DNAJC13: variants seen among roughly 807,000 people sequenced by gnomAD.
DNAJC13 encodes DnaJ heat shock protein family (Hsp40) member C13.
Under a neutral mutation model 290.5 loss-of-function variants are expected in DNAJC13, and 75 were observed. That is an observed-to-expected ratio of 0.26 (90% CI 0.21 to 0.31). The LOEUF (loss-of-function observed/expected upper bound fraction) is 0.31. Ranked by LOEUF, DNAJC13 falls within the 10% of genes least tolerant of loss-of-function variation. The probability of loss-of-function intolerance (pLI) is 1.00; values close to 1 mark genes in which losing one functional copy is unlikely to be tolerated. For synonymous variants in DNAJC13, 862 were observed against 892.0 expected (o/e 0.97, Z 0.60); for missense variants, 2,260 against 2,674.5 (o/e 0.85, Z 3.42).
intron 48 of DNAJC13, among the ~76,000 whole-genome samples, chr3:132,519,282 C>T (rs530383219): frequency 1.0e-3 from 153 of 152,262 alleles, no homozygotes; most frequent in African/African-American, 3.4e-3. Flanking sequence ...TCTTCTCTAA[C>T]GCTTGTTATA....
At chr3:132,439,535 G>A (rs1306186890) in intron 2 of DNAJC13, among the ~76,000 whole-genome samples, 1 of 147,362 alleles carries the variant, frequency 6.8e-6, no homozygotes, top group African/African-American at 2.5e-5. Context: ...CTAATTTTTT[G>A]TGACTATCAT....
intron 2 of DNAJC13, among the ~76,000 whole-genome samples, chr3:132,444,356 G>T (rs17404153): frequency 0.1 from 15,959 of 152,200 alleles, 1,030 homozygotes; most frequent in South Asian, 0.17. Flanking sequence ...GACAATGTAG[G>T]TCTAAAATAT....
Position 132,461,140 on chromosome 3 carries a change from C to A in DNAJC13, c.1648C>A (p.Gln550Lys). 1 of 1,614,066 alleles carries A rather than the reference C, an allele frequency of 6.2e-7. No individual in the cohort carries two copies. The highest frequency in any genetic ancestry group is 1.3e-5 in the African/African-American group (1 of 75,030). The change falls in exon 15 of 56, where the codon CAG becomes AAG. Residue 550 changes from glutamine (Q) to lysine (K), a missense_variant. Coordinates refer to ENST00000260818, the MANE Select transcript of DNAJC13 (RefSeq NM_015268.4). ...TCCATATAGTGAGACAACTGAAGGG[C>A]AGCAGTTTGATATGCTCTTGGAGAT... is the stretch of plus-strand genomic sequence containing the variant. The part of the protein sequence containing the change: ...CAPYSETTEG[Q>K]QFDMLLEMVA...
intron 43 of DNAJC13, among the ~76,000 whole-genome samples, chr3:132,509,442 G>A (rs1935701858): frequency 6.6e-6 from 1 of 152,238 alleles, no homozygotes; most frequent in African/African-American, 2.4e-5. Flanking sequence ...TGGTTCTTGA[G>A]ATGAAATCTT....
At position 132,429,489 on chromosome 3, in the gene DNAJC13, TG is replaced by T. The variant is rs558602098; in HGVS notation, c.-13-5045del. ...TCATACCTGTACTGCAGTGTTGTTA[TG>T]GGGACAAAATGAAATAAATGCATGG... On this transcript the variant is annotated intron_variant, in intron 1 of 55. Coordinates refer to ENST00000260818, the MANE Select transcript of DNAJC13 (RefSeq NM_015268.4). Among the ~76,000 whole-genome samples the T allele has an allele frequency of 2.6e-4, 39 of 152,310 alleles. 1 individual carries two copies. The South Asian group carries it at 7.9e-3, about 31-fold the overall frequency.
intron 22 of DNAJC13, among the ~76,000 whole-genome samples, chr3:132,476,293 A>G (rs1177872340): frequency 6.6e-6 from 1 of 152,164 alleles, no homozygotes; most frequent in African/African-American, 2.4e-5. Context: ...TCCCGAGCCT[A>G]CTTCTCTTAC....
chr3:132,434,395 AAAAC>A, intron 1 of DNAJC13, 139 bp from the exon 2 acceptor site: 5 of 502,912 alleles, frequency 9.9e-6, no homozygotes, highest in Non-Finnish European at 1.7e-5. Context: ...AAAAAAAAAA[AAAAC>A]AAAACCTTAT....
chr3:132,431,421 A>G (rs1280132846), intron 1 of DNAJC13, among the ~76,000 whole-genome samples: 1 of 152,150 alleles, frequency 6.6e-6, no homozygotes, highest in African/African-American at 2.4e-5. Context: ...ACAATTTAAA[A>G]CAAGATGTTT....
intron 2 of DNAJC13, among the ~76,000 whole-genome samples, chr3:132,441,434 AG>A (rs1162580938): frequency 6.6e-6 from 1 of 152,224 alleles, no homozygotes; most frequent in Non-Finnish European, 1.5e-5. Context: ...GTGTGTTATG[AG>A]ATCTAGAGTG....
rs572873924 is a variant in DNAJC13 at position 132,490,598 on chromosome 3, C to A, written c.3469-299C>A. Among the ~76,000 whole-genome samples, 6 of 152,294 alleles carry A rather than the reference C, an allele frequency of 3.9e-5. No individual in the cohort carries two copies. The South Asian group carries it at 8.3e-4, about 21-fold the overall frequency. Reference sequence around the variant, plus strand: ...TTCCTTCTGTTATCCATTACTGTTACACATGGTCAAAGGCCAGTCGTCCTA... The same window carrying A: ...TTCCTTCTGTTATCCATTACTGTTAAACATGGTCAAAGGCCAGTCGTCCTA... On this transcript the variant is annotated intron_variant, in intron 31 of 55. Transcript: ENST00000260818.
chr3:132,434,483 G>C, intron 1 of DNAJC13, 55 bp from the exon 2 acceptor site: 1 of 1,278,900 alleles, frequency 7.8e-7, no homozygotes, highest in Non-Finnish European at 1.1e-6. Context: ...GGGAATCTTG[G>C]AAAGATTAAA....
rs1402570367 is a variant in DNAJC13, at chr3:132,500,774, C to T, written c.4417-20C>T. On this transcript the variant is annotated intron_variant, in intron 38 of 55. Coordinates refer to ENST00000260818, the MANE Select transcript of DNAJC13 (RefSeq NM_015268.4). ...CTATGTGACTCTACTGGTTTTTTTG[C>T]TCTGTTGTGTTGTCTGCAGGTGTGT... is the stretch of plus-strand genomic sequence containing the variant. The T allele has an allele frequency of 6.2e-7, 1 of 1,609,696 alleles. No homozygotes were observed. Among genetic ancestry groups the T allele is most frequent in the Admixed American group, 1.7e-5 (1 of 59,198 alleles).
chr3:132,423,566 T>C (rs1457395137), intron 1 of DNAJC13, among the ~76,000 whole-genome samples: 2 of 152,200 alleles, frequency 1.3e-5, no homozygotes, highest in African/African-American at 4.8e-5. Flanking sequence ...TTAGCACTAA[T>C]GGGCTTAATT....
chr3:132,532,505 T>A (rs1295339109), intron 55 of DNAJC13, among the ~76,000 whole-genome samples: 1 of 152,216 alleles, frequency 6.6e-6, no homozygotes, highest in African/African-American at 2.4e-5. Flanking sequence ...CCCCTGTCCC[T>A]CATATCTATG....
chr3:132,450,995 G>A (rs1047795409), intron 6 of DNAJC13, 148 bp downstream of exon 6: 5 of 516,648 alleles, frequency 9.7e-6, no homozygotes, highest in African/African-American at 9.7e-5. Flanking sequence ...AAAGATACCT[G>A]AGCTTGAATC....
At position 132,496,566 on chromosome 3, in the gene DNAJC13, A is replaced by G. The variant is rs1220895353; in HGVS notation, c.4059A>G (p.Leu1353=). Residue 1353 remains leucine (L), a synonymous_variant, in exon 36 of 56, where the codon TTA becomes TTG. Transcript: ENST00000260818. ...FEKVNKAYEF[L]CTKSAKIVDG... is the part of the protein sequence containing the mutation. ...AAGTAAATAAAGCATATGAATTTTT[A>G]TGTACCAAATCAGCAAAAATAGTGG... is the stretch of plus-strand genomic sequence containing the variant. The G allele has an allele frequency of 1.2e-6, 2 of 1,604,984 alleles. No individual in the cohort carries two copies. Among genetic ancestry groups the G allele is most frequent in the African/African-American group, 1.3e-5 (1 of 74,528 alleles).
In DNAJC13 at chr3:132,471,140, G is replaced by C. The variant is rs571256332; in HGVS notation, c.2209-2005G>C. Among the ~76,000 whole-genome samples, 114 of 132,922 alleles carry C rather than the reference G, an allele frequency of 8.6e-4. 8 individuals are homozygous for C. Among genetic ancestry groups the C allele is most frequent in the East Asian group, 5.4e-3 (23 of 4,292 alleles). 87.2% of individuals were successfully genotyped at this position (132,922 alleles called of 152,430 possible). ...GGCTGACCCCCCCATCTCCCTCCTG[G>C]ACGGGGTGGCTGGCCCGGCTGAGGG... On this transcript the variant is annotated intron_variant, in intron 20 of 55. Coordinates refer to ENST00000260818, the MANE Select transcript of DNAJC13 (RefSeq NM_015268.4).
At chr3:132,447,202 G>C in intron 3 of DNAJC13, 119 bp from the exon 4 acceptor site, 1 of 868,822 alleles carries the variant, frequency 1.2e-6, no homozygotes, top group Non-Finnish European at 1.6e-6. Context: ...ACAATTTCTA[G>C]ACTCTATTTT....
chr3:132,521,052 G>T (rs1936074323), intron 48 of DNAJC13, among the ~76,000 whole-genome samples: 1 of 152,114 alleles, frequency 6.6e-6, no homozygotes, highest in South Asian at 2.1e-4. Context: ...GATTACAACA[G>T]TGATTCTTAT....
Sources: allele counts gnomAD v4.1 joint callset (sites outside exome capture counted in the v4.1 genomes callset), GRCh38; gene constraint gnomAD v4.1.1; transcripts MANE v1.5; gene names NCBI Gene and HGNC (gene_info 2026-07-23, HGNC 2026-07-21).